The following C2 variants were observed in gnomAD, a reference collection of about 807,000 sequenced individuals.
C2 encodes C3/C5 convertase.
A neutral mutation model predicts 85.2 loss-of-function variants in C2; 64 were observed. The ratio of observed to expected loss-of-function variants is 0.75; its 90% CI spans 0.61 to 0.92. The LOEUF (loss-of-function observed/expected upper bound fraction) is 0.92, where lower values mean the gene tolerates loss of function less well. Among genes scored for constraint, C2 ranks in the 40% least tolerant of loss-of-function variants. The pLI, the probability that C2 is intolerant of heterozygous loss-of-function variation, is 0.00. For missense variants in C2, 820 were observed against 971.6 expected, an observed-to-expected ratio of 0.84 and a Z score of 2.07; for synonymous variants, 311 against 370.8, an observed-to-expected ratio of 0.84 and a Z score of 1.85.
chr6:31,936,953 G>A lies in C2; in HGVS notation c.989-366G>A, dbSNP rs145877701. The stretch of plus-strand genomic sequence containing the variant: ...AGGCCGGGTGCAGTGGCTCATGCCT[G>A]TAGTAATCCCAGCACTTTGGGAGGC... On this transcript the variant is annotated intron_variant, in intron 7 of 17. Coordinates refer to ENST00000299367, the MANE Select transcript of C2 (RefSeq NM_000063.6). 988 of 232,438 alleles carry A rather than the reference G, an allele frequency of 4.3e-3. 9 individuals are homozygous for A. The highest frequency in any genetic ancestry group is 0.021 in the African/African-American group (622 of 30,200). The allele number at this position is 232,438 out of a possible 1,614,324, so 14.4% of individuals were successfully genotyped here.
rs769289608 is a variant in C2 at position 31,928,009 on chromosome 6, C to T, written c.101C>T (p.Thr34Ile). 1.9e-6 allele frequency: 3 copies of T among 1,614,066 alleles called. No homozygotes were observed. Among genetic ancestry groups the T allele is most frequent in the African/African-American group, 2.7e-5 (2 of 74,918 alleles). ...CPQNVNISGG[T>I]FTLSHGWAPG... Reference sequence around the variant, plus strand: ...CAGAACGTGAATATCTCGGGTGGCACCTTCACCCTCAGCCATGGCTGGGCT... The same window carrying T: ...CAGAACGTGAATATCTCGGGTGGCATCTTCACCCTCAGCCATGGCTGGGCT... Residue 34 changes from threonine (T) to isoleucine (I), a missense_variant, in exon 2 of 18, where the codon ACC becomes ATC. Physicochemically the swap from Thr to Ile is moderately conservative, Grantham distance 89. Transcript: ENST00000299367.
In C2 at chr6:31,920,219, A is replaced by G. The variant is rs1375857705; in HGVS notation, c.-100+193A>G. 2 of 152,276 alleles carry G rather than the reference A, an allele frequency of 1.3e-5. No homozygotes were observed. Among genetic ancestry groups the G allele is most frequent in the African/African-American group, 2.4e-5 (1 of 41,424 alleles). The allele number at this position is 152,276 out of a possible 1,614,324, so 9.4% of individuals were successfully genotyped here. A position where few individuals can be genotyped will look rare whatever the true frequency, so the allele number is the denominator to read the frequency against. The stretch of plus-strand genomic sequence containing the variant: ...GCAAGGCATGAACGTATGTCTTTCT[A>G]CTGGGCAAGTTCCCTCTTCACCCCT... On this transcript the variant is annotated intron_variant, in intron 1 of 3. Transcript: ENST00000413154. This position sits in a 1 kb window ranked among gnomAD's most constrained non-coding sequence, Gnocchi z 5.6.
chr6:31,933,085 C>G (rs895944247), intron 3 of C2, among the ~76,000 whole-genome samples: 4 of 143,550 alleles, frequency 2.8e-5, no homozygotes, highest in African/African-American at 4.9e-5. Context: ...AGCTTCGGCT[C>G]GGCATCAGAG....
At chr6:31,919,325 AG>A (rs1358721018), upstream of C2, among the ~76,000 whole-genome samples, 1 of 151,962 alleles carries the variant, frequency 6.6e-6, no homozygotes, top group African/African-American at 2.4e-5. Context: ...TTGTATTTTT[AG>A]TAGAGACGGG....
chr6:31,931,104 A>T (rs1308453990), intron 3 of C2, among the ~76,000 whole-genome samples: 1 of 151,954 alleles, frequency 6.6e-6, no homozygotes, highest in Non-Finnish European at 1.5e-5. Context: ...TGCCTGTGAG[A>T]TTTATCCATG....
chr6:31,899,820 T>A, upstream of C2: 1 of 1,244,448 alleles, frequency 8.0e-7, no homozygotes, highest in Admixed American at 2.4e-5. Flanking sequence ...CCTCCCACTC[T>A]TACCTTTCTG....
intron 1 of C2, among the ~76,000 whole-genome samples, chr6:31,909,827 C>T (rs1177327497): frequency 6.6e-6 from 1 of 151,934 alleles, no homozygotes; most frequent in Non-Finnish European, 1.5e-5. Flanking sequence ...AGATTGTACA[C>T]AAGCTTCAAT....
chr6:31,929,492 G>A (rs966086981), intron 3 of C2, among the ~76,000 whole-genome samples: 1 of 151,974 alleles, frequency 6.6e-6, no homozygotes. Flanking sequence ...AGGCCAAGGG[G>A]GGTGGATCAC....
Position 31,945,023 on chromosome 6 carries a change from T to C in C2, c.2073T>C (p.Phe691=). Reference sequence around the variant, plus strand: ...TTTTCCTTGAGCGGAGATTCAGGTTTTTTCAGGTGAGAAGGTAGAAGCTTG... The same window carrying C: ...TTTTCCTTGAGCGGAGATTCAGGTTCTTTCAGGTGAGAAGGTAGAAGCTTG... ...GAVFLERRFR[F]FQVGLVSWGL... The change falls in exon 17 of 18, where the codon TTT becomes TTC. Residue 691 remains phenylalanine, a synonymous_variant. Transcript: ENST00000299367. This position sits in a 1 kb window ranked among gnomAD's most constrained non-coding sequence, Gnocchi z 5.3. 6.2e-7 allele frequency: 1 copy of C among 1,612,966 alleles called. No homozygotes were observed. The highest frequency in any genetic ancestry group is 8.5e-7 in the Non-Finnish European group (1 of 1,180,012).
chr6:31,945,456 T>G lies in C2; in HGVS notation c.*99T>G. ...CTTAGACCCTGTGATCCATCCTCTC[T>G]CCTAGCTGAGTAAATCCGGGTCTCT... is the stretch of plus-strand genomic sequence containing the variant. On this transcript the variant is annotated 3_prime_UTR_variant, in exon 18 of 18. Coordinates refer to ENST00000299367, the MANE Select transcript of C2 (RefSeq NM_000063.6). The surrounding 1 kb of genome is among the most constrained non-coding windows in gnomAD (Gnocchi z 5.3). 8.5e-7 allele frequency: 1 copy of G among 1,170,782 alleles called. No homozygotes were observed. Among genetic ancestry groups the G allele is most frequent in the Non-Finnish European group, 1.3e-6 (1 of 791,118 alleles). 72.5% of individuals were successfully genotyped at this position (1,170,782 alleles called of 1,614,324 possible).
chr6:31,921,694 A>G lies in C2; in HGVS notation c.-100+1668A>G, dbSNP rs577518968. ...TGTGCCTCAGTTCCCTCATCTGTAA[A>G]GTGGGAGTAACAACAGAACCTGTGT... On this transcript the variant is annotated intron_variant, in intron 1 of 3. Coordinates refer to the C2 transcript ENST00000413154. The surrounding 1 kb of genome is among the most constrained non-coding windows in gnomAD (Gnocchi z 4.6). Among the ~76,000 whole-genome samples the G allele has an allele frequency of 9.2e-5, 14 of 152,266 alleles. No homozygotes were observed. The highest frequency in any genetic ancestry group is 4.6e-4 in the Admixed American group (7 of 15,288).
intron 9 of C2, among the ~76,000 whole-genome samples, chr6:31,942,160 G>A (rs532430887): frequency 3.9e-4 from 58 of 146,904 alleles, no homozygotes; most frequent in Non-Finnish European, 6.4e-4. Flanking sequence ...TGCTCTTGTT[G>A]CCCAGGCTGG....
chr6:31,901,344 G>T (rs1562538212), intron 1 of C2: 1 of 1,574,842 alleles, frequency 6.3e-7, no homozygotes, highest in Non-Finnish European at 8.6e-7. Flanking sequence ...GAAGGAAACC[G>T]GTCAGAGACA....
At chr6:31,928,644 C>T (rs1769461646) in intron 2 of C2, 88 bp from the exon 3 acceptor site, 1 of 1,302,376 alleles carries the variant, frequency 7.7e-7, no homozygotes, top group Non-Finnish European at 1.1e-6. Flanking sequence ...CATTCCCATG[C>T]ATTCCAGCAT....
In C2 at chr6:31,921,033, T is replaced by C. The variant is rs1045311016; in HGVS notation, c.-100+1007T>C. On this transcript the variant is annotated intron_variant, in intron 1 of 3. Coordinates refer to the C2 transcript ENST00000413154. The surrounding 1 kb of genome is among the most constrained non-coding windows in gnomAD (Gnocchi z 4.6). Reference sequence around the variant, plus strand: ...TGTATGTGGAGATTCCTCAAGATCATAGTTGGGCAATCACTTCAAAGTTAG... The same window carrying C: ...TGTATGTGGAGATTCCTCAAGATCACAGTTGGGCAATCACTTCAAAGTTAG... Among the ~76,000 whole-genome samples the C allele has an allele frequency of 7.9e-5, 12 of 152,106 alleles. No individual in the cohort carries two copies. The highest frequency in any genetic ancestry group is 1.3e-4 in the Non-Finnish European group (9 of 68,018).
chr6:31,928,979 C>T, intron 3 of C2, 62 bp downstream of exon 3: 1 of 1,446,578 alleles, frequency 6.9e-7, no homozygotes, highest in Non-Finnish European at 9.5e-7. Context: ...CCCTGGGGCC[C>T]AATGTGCATC....
At chr6:31,911,927 G>GC (rs1194392624) in intron 1 of C2, among the ~76,000 whole-genome samples, 5 of 119,400 alleles carry the variant, frequency 4.2e-5, no homozygotes, top group African/African-American at 1.6e-4. Context: ...ACCATGTCTG[G>GC]CCCTTTTTTT....
Position 31,943,825 on chromosome 6 carries a change from G to C in C2, c.1733+16G>C, listed in dbSNP as rs769198049. On this transcript the variant is annotated intron_variant, in intron 13 of 17. Coordinates refer to ENST00000299367, the MANE Select transcript of C2 (RefSeq NM_000063.6). This position sits in a 1 kb window ranked among gnomAD's most constrained non-coding sequence, Gnocchi z 6.4. Reference sequence around the variant, plus strand: ...CCCATGCCAGGTGCCTGGAGTCTGGGATGGGAGGGTGCCCTGCAGGGAAGA... The same window carrying C: ...CCCATGCCAGGTGCCTGGAGTCTGGCATGGGAGGGTGCCCTGCAGGGAAGA... The C allele has an allele frequency of 6.0e-5, 97 of 1,612,938 alleles. No individual in the cohort carries two copies. The highest frequency in any genetic ancestry group is 7.6e-5 in the Non-Finnish European group (90 of 1,179,936).
Position 31,921,793 on chromosome 6 carries a change from C to G in C2, c.-100+1767C>G, listed in dbSNP as rs1426473050. On this transcript the variant is annotated intron_variant, in intron 1 of 3. Coordinates refer to the C2 transcript ENST00000413154. This position sits in a 1 kb window ranked among gnomAD's most constrained non-coding sequence, Gnocchi z 4.6. ...AAATACTGTCTGGCACTATGTCCTG[C>G]TAATATGAAGTCTTCCTCCCCCAGA... Among the ~76,000 whole-genome samples the G allele has an allele frequency of 1.3e-5, 2 of 152,130 alleles. No homozygotes were observed. Among genetic ancestry groups the G allele is most frequent in the African/African-American group, 2.4e-5 (1 of 41,416 alleles).
Sources: gnomAD v4.1 joint callset for allele counts (sites outside exome capture counted in the v4.1 genomes callset) on GRCh38, gnomAD v4.1.1 for gene constraint, Gnocchi (gnomAD v3.1) non-coding constraint, MANE v1.5 for transcripts, NCBI Gene and HGNC (gene_info 2026-07-23, HGNC 2026-07-21) for gene names.